The following AFDN variants were observed in gnomAD, a reference collection of about 807,000 sequenced individuals.
The protein encoded by AFDN is afadin.
In AFDN, 68 loss-of-function variants were observed where a neutral mutation model predicts 216.6. That is an observed-to-expected ratio of 0.31 (90% CI 0.26 to 0.38). The LOEUF (loss-of-function observed/expected upper bound fraction) is 0.38. Among genes scored for constraint, AFDN ranks in the 10% least tolerant of loss-of-function variants. The pLI is 1.00. For missense variants in AFDN, 2,136 were observed against 2,342.0 expected (o/e 0.91, Z 1.82); for synonymous variants, 868 against 853.7 (o/e 1.02, Z -0.29).
intron 23 of AFDN, among the ~76,000 whole-genome samples, chr6:167,933,498 C>A (rs963585507): frequency 2.0e-5 from 3 of 152,130 alleles, no homozygotes; most frequent in Admixed American, 2.0e-4. Flanking sequence ...GTGGGAAACA[C>A]CTAGTCAAAC....
intron 31 of AFDN, chr6:167,964,448 A>G: frequency 9.4e-7 from 1 of 1,065,512 alleles, no homozygotes; most frequent in Middle Eastern, 4.2e-4. Flanking sequence ...CCAAGGGAAC[A>G]CTTACTTTGT....
intron 3 of AFDN, among the ~76,000 whole-genome samples, chr6:167,870,867 G>A (rs1583225997): frequency 6.6e-6 from 1 of 151,958 alleles, no homozygotes; most frequent in East Asian, 1.9e-4. Flanking sequence ...TGAACTTTTA[G>A]ATGCAACTTT....
At chr6:167,902,955 G>C (rs1789177891) in intron 12 of AFDN, among the ~76,000 whole-genome samples, 1 of 152,182 alleles carries the variant, frequency 6.6e-6, no homozygotes, top group South Asian at 2.1e-4. Flanking sequence ...CTAAGGCCAG[G>C]TTGAAGCAGA....
At position 167,954,339 on chromosome 6, in the gene AFDN, G is replaced by A. The variant is rs759669243; in HGVS notation, c.4833+2152G>A. ...TCTTTACCTTTCTCATCAAGTTGTC[G>A]AAACACAGATGACGCATGATAGTGA... On this transcript the variant is annotated intron_variant, in intron 30 of 33. Transcript: ENST00000683244. 23 of 673,114 alleles carry A rather than the reference G, an allele frequency of 3.4e-5. No individual in the cohort carries two copies. The East Asian group carries it at 6.1e-4, about 18-fold the overall frequency. The allele number at this position is 673,114 out of a possible 1,614,324, so 41.7% of individuals were successfully genotyped here. A position where few individuals can be genotyped will look rare whatever the true frequency, so the allele number is the denominator to read the frequency against.
chr6:167,880,080 A>G (rs1326900249), intron 5 of AFDN, among the ~76,000 whole-genome samples: 3 of 152,180 alleles, frequency 2.0e-5, no homozygotes, highest in Non-Finnish European at 2.9e-5. Context: ...ACGGAAATCA[A>G]TTCATTGTTT....
At chr6:167,841,637 A>T (rs571173562) in intron 1 of AFDN, among the ~76,000 whole-genome samples, 21 of 152,308 alleles carry the variant, frequency 1.4e-4, no homozygotes, top group African/African-American at 5.1e-4. Context: ...CTTGCTTCAT[A>T]GTTTTTTCGG....
At chr6:167,857,247 T>TA (rs1783008011) in intron 1 of AFDN, among the ~76,000 whole-genome samples, 1 of 151,596 alleles carries the variant, frequency 6.6e-6, no homozygotes, top group South Asian at 2.1e-4. Context: ...TAGTTGATAT[T>TA]AGAGAGTGAG....
At chr6:167,844,123 A>C (rs1781365413) in intron 1 of AFDN, among the ~76,000 whole-genome samples, 1 of 151,716 alleles carries the variant, frequency 6.6e-6, no homozygotes, top group African/African-American at 2.4e-5. Flanking sequence ...AGCCACTGTA[A>C]GGAATTTTTA....
intron 1 of AFDN, among the ~76,000 whole-genome samples, chr6:167,842,035 A>G (rs943662352): frequency 6.6e-5 from 10 of 151,824 alleles, no homozygotes; most frequent in Non-Finnish European, 7.4e-5. Flanking sequence ...GTAACTCTTC[A>G]TGTTTTGTCT....
intron 15 of AFDN, among the ~76,000 whole-genome samples, chr6:167,912,512 A>G (rs940572609): frequency 1.3e-5 from 2 of 152,188 alleles, no homozygotes; most frequent in African/African-American, 2.4e-5. Flanking sequence ...TGATAGGGTT[A>G]TGCTTCTTTT....
intron 1 of AFDN, among the ~76,000 whole-genome samples, chr6:167,856,675 T>C (rs960993596): frequency 5.9e-5 from 9 of 152,126 alleles, no homozygotes; most frequent in Non-Finnish European, 1.2e-4. Context: ...TTGTGCATAC[T>C]GTCTCATTTA....
At chr6:167,864,280 A>T (rs776283386) in intron 1 of AFDN, 2 of 653,544 alleles carry the variant, frequency 3.1e-6, no homozygotes. Context: ...CTTGCCAAGG[A>T]CCAATAGATG....
Position 167,913,504 on chromosome 6 carries a change from A to G in AFDN, c.2058+81A>G, listed in dbSNP as rs1790670847. 10 of 1,319,848 alleles carry G rather than the reference A, an allele frequency of 7.6e-6. No homozygotes were observed. The South Asian group carries it at 1.0e-4, about 13-fold the overall frequency. The allele number at this position is 1,319,848 out of a possible 1,614,324, so 81.8% of individuals were successfully genotyped here. A position where few individuals can be genotyped will look rare whatever the true frequency, so the allele number is the denominator to read the frequency against. On this transcript the variant is annotated intron_variant, in intron 16 of 33. Transcript: ENST00000683244. ...GCTGCTCCCATGTCAAATAAGTAAT[A>G]CAACAGCTGGACTGAACAGCTCATA...
intron 2 of AFDN, among the ~76,000 whole-genome samples, chr6:167,868,424 T>C (rs1335447351): frequency 2.0e-5 from 3 of 152,176 alleles, no homozygotes; most frequent in African/African-American, 7.2e-5. Context: ...TGGAGACCTT[T>C]GTTAGAAAAA....
chr6:167,965,055 T>G (rs1388510235), intron 31 of AFDN: 1 of 1,039,566 alleles, frequency 9.6e-7, no homozygotes, highest in African/African-American at 1.7e-5. Context: ...CTCTCTAATT[T>G]TCTGTCTGTT....
intron 13 of AFDN, 118 bp downstream of exon 13, chr6:167,907,407 A>C (rs1218897430): frequency 5.2e-6 from 4 of 765,408 alleles, no homozygotes; most frequent in Admixed American, 2.5e-5. Flanking sequence ...TGTTAGCAAT[A>C]ATATTTTAAG....
chr6:167,956,870 G>A (rs1190179063), intron 30 of AFDN, among the ~76,000 whole-genome samples: 2 of 152,266 alleles, frequency 1.3e-5, no homozygotes, highest in African/African-American at 4.8e-5. Context: ...GCGAGAGACT[G>A]GCAGGATCCC....
intron 11 of AFDN, among the ~76,000 whole-genome samples, chr6:167,901,712 AT>A (rs1286721399): frequency 2.0e-5 from 3 of 152,044 alleles, no homozygotes; most frequent in African/African-American, 7.3e-5. Flanking sequence ...TGTACACCTC[AT>A]TTATATGCCA....
At chr6:167,884,703 G>T (rs1786558480) in intron 6 of AFDN, among the ~76,000 whole-genome samples, 1 of 152,106 alleles carries the variant, frequency 6.6e-6, no homozygotes, top group African/African-American at 2.4e-5. Context: ...CATTTATAGA[G>T]CACAGGCAGA....
Sources: allele counts gnomAD v4.1 joint callset (sites outside exome capture counted in the v4.1 genomes callset), GRCh38; gene constraint gnomAD v4.1.1; transcripts MANE v1.5; gene names NCBI Gene and HGNC (gene_info 2026-07-23, HGNC 2026-07-21).